Variants in ANKFN1 observed in about 807,000 individuals in gnomAD.
ANKFN1 encodes the protein ankyrin repeat and fibronectin type III domain containing 1, also known as ankyrin repeat and fibronectin type-III domain-containing protein 1.
A neutral mutation model predicts 108.7 loss-of-function variants in ANKFN1; 74 were observed. That is an observed-to-expected ratio of 0.68 (90% CI 0.56 to 0.83). The LOEUF (loss-of-function observed/expected upper bound fraction) is 0.83. Among genes scored for constraint, ANKFN1 ranks in the 40% least tolerant of loss-of-function variants. ANKFN1 has a pLI of 0.00. For missense variants in ANKFN1, 1,505 were observed against 1,382.3 expected (o/e 1.09, Z -1.41); for synonymous variants, 547 against 516.2 (o/e 1.06, Z -0.81).
chr17:56,246,362 A>C (rs956029965), intron 3 of ANKFN1, among the ~76,000 whole-genome samples: 1 of 152,112 alleles, frequency 6.6e-6, no homozygotes, highest in African/African-American at 2.4e-5. Context: ...CCCTTCTGTG[A>C]ATAAAAAAGA....
intron 6 of ANKFN1, among the ~76,000 whole-genome samples, chr17:56,359,420 A>G (rs1307887052): frequency 6.6e-6 from 1 of 152,166 alleles, no homozygotes; most frequent in Non-Finnish European, 1.5e-5. Context: ...ACAGACCAGT[A>G]AGAATGGTGG....
At chr17:56,461,455 T>C (rs562144592) in intron 14 of ANKFN1, among the ~76,000 whole-genome samples, 9 of 152,220 alleles carry the variant, frequency 5.9e-5, no homozygotes, top group Non-Finnish European at 1.2e-4. Context: ...CTTGCTGGTC[T>C]TTCTCCGTAT....
At chr17:56,300,882 C>G (rs1598375746) in intron 3 of ANKFN1, among the ~76,000 whole-genome samples, 1 of 152,232 alleles carries the variant, frequency 6.6e-6, no homozygotes, top group East Asian at 1.9e-4. Context: ...GAATTTGGGT[C>G]CCTCCACCTT....
At chr17:56,399,029 G>A (rs2144918606) in intron 8 of ANKFN1, among the ~76,000 whole-genome samples, 1 of 152,140 alleles carries the variant, frequency 6.6e-6, no homozygotes, top group Admixed American at 6.6e-5. Flanking sequence ...CAGAAATTTT[G>A]TATAAAATAA....
chr17:56,130,245 A>G (rs1357190217), intron 4 of ANKFN1, among the ~76,000 whole-genome samples: 1 of 152,210 alleles, frequency 6.6e-6, no homozygotes, highest in African/African-American at 2.4e-5. Context: ...GGGCTGTTAC[A>G]GTAGCTTCCT....
chr17:56,477,552 T>A lies in ANKFN1; in HGVS notation c.1838T>A (p.Leu613Gln). ...TTTCCTGGATTATATCTGGGTTACCTAAAGCTCTGTAGCTCTGTGGATCAA... is the reference window on the plus strand; with the variant it reads ...TTTCCTGGATTATATCTGGGTTACCAAAAGCTCTGTAGCTCTGTGGATCAA... ...RLFPGLYLGY[L>Q]KLCSSVDQIK... The change falls in exon 16 of 21, where the codon CTA becomes CAA. Residue 613 changes from leucine (L) to glutamine (Q), a missense_variant. Physicochemically the swap from Leu to Gln is moderately radical, Grantham distance 113. Coordinates refer to ENST00000682825, the MANE Select transcript of ANKFN1 (RefSeq NM_001370326.1). The A allele has an allele frequency of 6.2e-7, 1 of 1,610,350 alleles. No homozygotes were observed. The highest frequency in any genetic ancestry group is 8.5e-7 in the Non-Finnish European group (1 of 1,177,876).
chr17:56,352,113 A>T (rs962846250), intron 5 of ANKFN1, among the ~76,000 whole-genome samples: 3 of 152,212 alleles, frequency 2.0e-5, no homozygotes, highest in African/African-American at 7.2e-5. Flanking sequence ...CTGTGGTTAA[A>T]TCGGGGCCTA....
At chr17:56,163,252 A>G (rs1909846270) in intron 1 of ANKFN1, among the ~76,000 whole-genome samples, 2 of 152,194 alleles carry the variant, frequency 1.3e-5, no homozygotes, top group South Asian at 2.1e-4. Context: ...TTTGCCTATA[A>G]CATTGTTCAC....
intron 4 of ANKFN1, among the ~76,000 whole-genome samples, chr17:56,339,337 A>G (rs1224056814): frequency 1.3e-5 from 2 of 151,976 alleles, no homozygotes; most frequent in African/African-American, 2.4e-5. Flanking sequence ...AGTTCAGGGT[A>G]TCAGTGCAGG....
intron 4 of ANKFN1, among the ~76,000 whole-genome samples, chr17:56,133,259 A>G (rs2143354786): frequency 6.6e-6 from 1 of 152,302 alleles, no homozygotes; most frequent in East Asian, 1.9e-4. Flanking sequence ...TCAAGTGAAC[A>G]GGTTCATCAA....
At chr17:56,465,843 A>G (rs372363597) in intron 14 of ANKFN1, among the ~76,000 whole-genome samples, 12 of 152,308 alleles carry the variant, frequency 7.9e-5, no homozygotes, top group Admixed American at 4.6e-4. Flanking sequence ...CAATTAAAGT[A>G]TCTTGAAGGG....
At chr17:56,275,693 C>G (rs1009387353) in intron 3 of ANKFN1, among the ~76,000 whole-genome samples, 1 of 152,076 alleles carries the variant, frequency 6.6e-6, no homozygotes, top group African/African-American at 2.4e-5. Context: ...AGGGTGAAGT[C>G]TAGTCTTGAA....
intron 8 of ANKFN1, among the ~76,000 whole-genome samples, chr17:56,415,121 G>A (rs922853323): frequency 6.6e-6 from 1 of 152,164 alleles, no homozygotes; most frequent in African/African-American, 2.4e-5. Flanking sequence ...GCTGACTGGG[G>A]AAAAACTGAA....
intron 8 of ANKFN1, among the ~76,000 whole-genome samples, chr17:56,383,177 A>G (rs1391980454): frequency 1.3e-5 from 2 of 152,170 alleles, no homozygotes; most frequent in Admixed American, 6.6e-5. Flanking sequence ...TAAGAAACTC[A>G]CTCAAAACCA....
intron 1 of ANKFN1, among the ~76,000 whole-genome samples, chr17:56,166,799 A>G (rs1910166441): frequency 6.6e-6 from 1 of 151,728 alleles, no homozygotes; most frequent in African/African-American, 2.4e-5. Flanking sequence ...TTGATGACAA[A>G]CCCTATACCC....
At chr17:56,086,746 A>C (rs1322685593) in intron 4 of ANKFN1, among the ~76,000 whole-genome samples, 1 of 151,372 alleles carries the variant, frequency 6.6e-6, no homozygotes, top group African/African-American at 2.4e-5. Context: ...GAAACTTACT[A>C]AAAAGTCACA....
chr17:56,353,876 A>C lies in ANKFN1; in HGVS notation c.431A>C (p.Gln144Pro). The C allele has an allele frequency of 1.9e-6, 3 of 1,614,076 alleles. No homozygotes were observed. Among genetic ancestry groups the C allele is most frequent in the Non-Finnish European group, 2.5e-6 (3 of 1,179,966 alleles). ...GNEAMFEAVE[Q>P]QDMDAVQILL... Reference sequence around the variant, plus strand: ...GAAGCCATGTTTGAGGCAGTCGAACAGCAGGACATGGATGCTGTGCAGATC... The same window carrying C: ...GAAGCCATGTTTGAGGCAGTCGAACCGCAGGACATGGATGCTGTGCAGATC... Residue 144 changes from glutamine to proline, a missense_variant, in exon 6 of 21, where the codon CAG (glutamine) becomes CCG (proline). Physicochemically the swap from Gln to Pro is moderately conservative, Grantham distance 76. Coordinates refer to ENST00000682825, the MANE Select transcript of ANKFN1 (RefSeq NM_001370326.1).
chr17:56,154,845 A>G (rs1908951559), intron 1 of ANKFN1, among the ~76,000 whole-genome samples: 1 of 152,088 alleles, frequency 6.6e-6, no homozygotes. Flanking sequence ...TGTTCCATGA[A>G]GTGTAGAGCT....
In ANKFN1 at chr17:56,510,475, T is replaced by C; in HGVS notation, c.2647T>C (p.Ser883Pro). 6.5e-7 allele frequency: 1 copy of C among 1,534,368 alleles called. No homozygotes were observed. Among genetic ancestry groups the C allele is most frequent in the South Asian group, 1.2e-5 (1 of 83,872 alleles). ...AACCTCAGTTTCTGGCTTCGCAGAT[T>C]CACAGCCCTGCTCTGATGAAGAAGC... ...EMHRRKTVSD[S>P]QPCSDEEACS... Residue 883 changes from serine (S) to proline (P), a missense_variant and splice_region_variant, in exon 21 of 21, where the codon TCA becomes CCA. Transcript: ENST00000682825.
Sources: gnomAD v4.1 joint callset for allele counts (sites outside exome capture counted in the v4.1 genomes callset) on GRCh38, gnomAD v4.1.1 for gene constraint, MANE v1.5 for transcripts, NCBI Gene and HGNC (gene_info 2026-07-23, HGNC 2026-07-21) for gene names.